Variants in WAS observed in about 807,000 individuals in gnomAD.
WAS encodes the protein WASP actin nucleation promoting factor.
A neutral mutation model predicts 38.9 loss-of-function variants in WAS; 1 was observed. The ratio of observed to expected loss-of-function variants is 0.03; its 90% confidence interval spans 0.01 to 0.12. The LOEUF is 0.12. WAS is among the 10% of genes least tolerant of loss of function. The pLI, the probability that WAS is intolerant of heterozygous loss-of-function variation, is 1.00. For missense variants in WAS, 311 were observed against 431.2 expected (o/e 0.72, Z 2.47); for synonymous variants, 182 against 173.6 (o/e 1.05, Z -0.38).
chrX:48,681,479 A>G (rs1239867490), upstream of WAS, among the ~76,000 whole-genome samples: 2 of 112,503 alleles, frequency 1.8e-5, no homozygotes, highest in African/African-American at 3.2e-5. Context: ...AGTAGTGCTT[A>G]CTTTGTGGGG....
At chrX:48,681,773 G>A (rs782354379), upstream of WAS, among the ~76,000 whole-genome samples, 25 of 111,767 alleles carry the variant, frequency 2.2e-4, no homozygotes, top group Non-Finnish European at 3.6e-4. Context: ...GTGGGGACAC[G>A]GGAGGGAGGT....
At chrX:48,687,972 A>C in intron 7 of WAS, 82 bp from the exon 8 acceptor site, 1 of 1,031,338 alleles carries the variant, frequency 9.7e-7, no homozygotes, top group Non-Finnish European at 1.3e-6. Context: ...CTCTTTGGGC[A>C]GGAGAGGGCA....
At chrX:48,677,690 T>A (rs1276649089) in intron 1 of WAS, among the ~76,000 whole-genome samples, 5 of 111,599 alleles carry the variant, frequency 4.5e-5, no homozygotes, top group Non-Finnish European at 9.4e-5. Context: ...CCTGTCCTCA[T>A]TCCGCCCCCG....
chrX:48,685,671 G>T (rs1557006518), intron 3 of WAS, 38 bp downstream of exon 3: 1 of 1,171,796 alleles, frequency 8.5e-7, no homozygotes, highest in East Asian at 3.2e-5. Flanking sequence ...CACTTGGGGT[G>T]TGGAGAGGAG....
At chrX:48,684,053 C>A (rs1557006274) in intron 1 of WAS, 68 bp downstream of exon 1, 2 of 1,162,303 alleles carry the variant, frequency 1.7e-6, no homozygotes, top group East Asian at 6.0e-5. Flanking sequence ...CTCCTTCTCT[C>A]TCTTCCCCTC....
intron 9 of WAS, 90 bp from the exon 10 acceptor site, chrX:48,688,570 C>CA (rs1392212959): frequency 3.4e-6 from 4 of 1,188,228 alleles, no homozygotes; most frequent in African/African-American, 1.8e-5. Context: ...AGGAGTTGGT[C>CA]AGTGGGGGTA....
rs2062417666 is a variant in WAS, at chrX:48,685,844, G to A, written c.463+8G>A. On this transcript the variant is annotated splice_region_variant and intron_variant, in intron 4 of 11. Transcript: ENST00000376701. Reference sequence around the variant, plus strand: ...ATCAGAGGCAAAGTGGAGGTGAGGAGGCCACAGGGGAGGAAAGGAAGTTGG... The same window carrying A: ...ATCAGAGGCAAAGTGGAGGTGAGGAAGCCACAGGGGAGGAAAGGAAGTTGG... 1.7e-6 allele frequency: 2 copies of A among 1,201,402 alleles called. No homozygotes were observed. The highest frequency in any genetic ancestry group is 2.2e-6 in the Non-Finnish European group (2 of 890,484).
At chrX:48,680,233 A>T (rs1569493470), upstream of WAS, among the ~76,000 whole-genome samples, 1 of 111,690 alleles carries the variant, frequency 9.0e-6, no homozygotes. Context: ...CATCGCCCCT[A>T]TTCCTCCTGA....
At chrX:48,685,513 G>A in intron 2 of WAS, 34 bp from the exon 3 acceptor site, 1 of 1,141,669 alleles carries the variant, frequency 8.8e-7, no homozygotes, top group Non-Finnish European at 1.2e-6. Context: ...GCGTGCCTCA[G>A]TGCCACTGTG....
At chrX:48,684,100 C>A (rs2062411560) in intron 1 of WAS, 115 bp downstream of exon 1, 9 of 1,099,180 alleles carry the variant, frequency 8.2e-6, no homozygotes, top group Admixed American at 4.6e-5. Flanking sequence ...CATCTCCTCT[C>A]CTAGAATTTC....
At chrX:48,691,055 T>G in intron 11 of WAS, 52 bp from the exon 12 acceptor site, 1 of 1,152,385 alleles carries the variant, frequency 8.7e-7, no homozygotes, top group Non-Finnish European at 1.2e-6. Flanking sequence ...CCAGGCCCTA[T>G]GAAGCCCCCC....
At chrX:48,686,177 G>C in intron 6 of WAS, 43 bp downstream of exon 6, 2 of 1,192,681 alleles carry the variant, frequency 1.7e-6, no homozygotes, top group Non-Finnish European at 2.3e-6. Context: ...GGATGGGTAA[G>C]AGTGGATGGA....
Position 48,686,858 on chromosome X carries a change from C to T in WAS, c.637C>T (p.Arg213Cys). 4.1e-6 allele frequency: 5 copies of T among 1,211,880 alleles called. No homozygotes were observed. The highest frequency in any genetic ancestry group is 3.0e-5 in the East Asian group (1 of 33,844). The change falls in exon 7 of 12, where the codon CGT becomes TGT. Residue 213 changes from arginine (R) to cysteine (C), a missense_variant. Coordinates refer to ENST00000376701, the MANE Select transcript of WAS (RefSeq NM_000377.3). Reference protein sequence around the residue: ...QNPDITSSRYRGLPAPGPSPA... With the variant: ...QNPDITSSRYCGLPAPGPSPA... ...CCCTGACATCACGAGTTCACGATAC[C>T]GTGGGCTCCCAGCACCTGGACCTAG...
At chrX:48,687,134 A>C (rs1017729800) in intron 7 of WAS, among the ~76,000 whole-genome samples, 179 bp downstream of exon 7, 10 of 110,942 alleles carry the variant, frequency 9.0e-5, no homozygotes, top group African/African-American at 3.3e-4. Context: ...TAAATAAGGC[A>C]CCAAGGGTAC....
At chrX:48,689,188 A>G in intron 10 of WAS, 122 bp downstream of exon 10, 1 of 950,594 alleles carries the variant, frequency 1.1e-6, no homozygotes, top group Non-Finnish European at 1.5e-6. Context: ...ATTCAGTGAT[A>G]GGGTTGAAAG....
intron 7 of WAS, among the ~76,000 whole-genome samples, chrX:48,687,801 G>C (rs1392941689): frequency 2.7e-5 from 3 of 111,236 alleles, no homozygotes; most frequent in Non-Finnish European, 5.7e-5. Context: ...TCCAACAGAT[G>C]AATGTGAATG....
At position 48,688,648 on chromosome X, in the gene WAS, C is replaced by T. The variant is rs1557007099; in HGVS notation, c.932-12C>T. On this transcript the variant is annotated splice_polypyrimidine_tract_variant and intron_variant, in intron 9 of 11. Transcript: ENST00000376701. Reference sequence around the variant, plus strand: ...ATGAGAGTTACAGCTATGTGTTATACCCCCTCCACAGAGCCACTTCCGCCG... The same window carrying T: ...ATGAGAGTTACAGCTATGTGTTATATCCCCTCCACAGAGCCACTTCCGCCG... 1.7e-6 allele frequency: 2 copies of T among 1,208,027 alleles called. No homozygotes were observed. The highest frequency in any genetic ancestry group is 4.4e-5 in the Admixed American group (2 of 45,888).
chrX:48,681,721 TCAG>T (rs782749600), upstream of WAS, among the ~76,000 whole-genome samples: 7 of 112,127 alleles, frequency 6.2e-5, no homozygotes, highest in African/African-American at 2.3e-4. Context: ...CTTGCCCTGA[TCAG>T]CAGGTTGGAG....
chrX:48,683,427 A>T (rs2062408225), upstream of WAS: 1 of 130,681 alleles, frequency 7.7e-6, no homozygotes, highest in African/African-American at 3.2e-5. Flanking sequence ...CGGACTAGGG[A>T]CCTCGGGCCT....
Sources: gnomAD v4.1 joint callset for allele counts (sites outside exome capture counted in the v4.1 genomes callset) on GRCh38, gnomAD v4.1.1 for gene constraint, MANE v1.5 for transcripts, NCBI Gene and HGNC (gene_info 2026-07-23, HGNC 2026-07-21) for gene names.